APOBEC3B: variants seen among roughly 807,000 people sequenced by gnomAD.
APOBEC3B encodes the protein apolipoprotein B mRNA editing enzyme catalytic subunit 3B.
In APOBEC3B, 29 loss-of-function variants were observed where a neutral mutation model predicts 53.4. That is an observed-to-expected ratio of 0.54 (90% CI 0.40 to 0.74). The LOEUF is 0.74. Ranked by LOEUF, APOBEC3B falls within the 30% of genes least tolerant of loss-of-function variation. The pLI, the probability that APOBEC3B is intolerant of heterozygous loss-of-function variation, is 0.00. For missense variants in APOBEC3B, 347 were observed against 496.2 expected, an observed-to-expected ratio of 0.70 and a Z score of 2.86; for synonymous variants, 132 against 184.8, an observed-to-expected ratio of 0.71 and a Z score of 2.32.
chr22:38,986,334 A>C lies in APOBEC3B; in HGVS notation c.491A>C (p.Glu164Ala). 6.3e-7 allele frequency: 1 copy of C among 1,593,800 alleles called. No homozygotes were observed. Among genetic ancestry groups the C allele is most frequent in the Non-Finnish European group, 8.5e-7 (1 of 1,172,602 alleles). ...AYCWENFVYNEGQQFMPWYKF... is the reference protein window; with the variant it reads ...AYCWENFVYNAGQQFMPWYKF... Reference sequence around the variant, plus strand: ...TGCTGGGAAAACTTTGTGTACAATGAAGGTCAGCAATTCATGCCTTGGTAC... The same window carrying C: ...TGCTGGGAAAACTTTGTGTACAATGCAGGTCAGCAATTCATGCCTTGGTAC... The change falls in exon 4 of 8, where the codon GAA (glutamate) becomes GCA (alanine). Residue 164 changes from glutamate to alanine, a missense_variant. This residue lies in a region of APOBEC3B where 156 missense variants were observed against 166.7 expected (regional missense o/e 0.94). Transcript: ENST00000333467.
rs545883741 is a variant in APOBEC3B at position 38,986,798 on chromosome 22, C to A, written c.569+386C>A. Among the ~76,000 whole-genome samples the A allele has an allele frequency of 4.0e-3, 593 of 148,940 alleles. 49 individuals carry two copies. Among genetic ancestry groups the A allele is most frequent in the Non-Finnish European group, 7.0e-3 (469 of 67,308 alleles). The stretch of plus-strand genomic sequence containing the variant: ...GAGCTCAGTGTGGGGGCACCCATGG[C>A]ATCCTGGGGGGACATCTGAGGGCCA... On this transcript the variant is annotated intron_variant, in intron 4 of 7. Coordinates refer to ENST00000333467, the MANE Select transcript of APOBEC3B (RefSeq NM_004900.5).
At chr22:38,982,990 C>T (rs1395479241) in intron 1 of APOBEC3B, among the ~76,000 whole-genome samples, 1 of 148,474 alleles carries the variant, frequency 6.7e-6, no homozygotes, top group Non-Finnish European at 1.5e-5. Context: ...TGTCCCCAGA[C>T]AGGTTCCACT....
intron 4 of APOBEC3B, among the ~76,000 whole-genome samples, chr22:38,986,830 C>T (rs1923760664): frequency 6.7e-6 from 1 of 148,778 alleles, no homozygotes; most frequent in African/African-American, 2.4e-5. Context: ...GCCACCCCCA[C>T]CCGCTATTCC....
chr22:38,984,380 A>G (rs2062071976), intron 2 of APOBEC3B, 149 bp downstream of exon 2: 1 of 1,061,530 alleles, frequency 9.4e-7, no homozygotes, highest in African/African-American at 1.6e-5. Flanking sequence ...ACAAAGACAG[A>G]CTGAGGTATT....
intron 2 of APOBEC3B, 31 bp downstream of exon 2, chr22:38,984,262 C>G (rs1182384704): frequency 6.3e-7 from 1 of 1,582,966 alleles, no homozygotes. Flanking sequence ...GAATCACAGG[C>G]AGTGTTGCAG....
chr22:38,992,266 G>T (rs1462182706), intron 7 of APOBEC3B, 117 bp downstream of exon 7: 5 of 1,539,602 alleles, frequency 3.2e-6, no homozygotes, highest in Non-Finnish European at 3.5e-6. Flanking sequence ...TCCCCACAGG[G>T]CGCCCAGCTC....
At chr22:38,984,345 C>G (rs1312500534) in intron 2 of APOBEC3B, 114 bp downstream of exon 2, 3 of 1,300,978 alleles carry the variant, frequency 2.3e-6, no homozygotes, top group African/African-American at 1.5e-5. Context: ...TCAGCAGACT[C>G]ACATCCAAAA....
rs770074224 is a variant in APOBEC3B at position 38,992,415 on chromosome 22, C to T, written c.1135-16C>T. On this transcript the variant is annotated splice_polypyrimidine_tract_variant and intron_variant, in intron 7 of 7. Coordinates refer to ENST00000333467, the MANE Select transcript of APOBEC3B (RefSeq NM_004900.5). ...TCTCTCACCTCCTGCTCCATTCAAC[C>T]CCCCTGCTCTTCCAGAATCAGGGAA... 1.9e-6 allele frequency: 3 copies of T among 1,602,186 alleles called. No individual in the cohort carries two copies. The highest frequency in any genetic ancestry group is 1.1e-5 in the South Asian group (1 of 90,326).
At position 38,988,728 on chromosome 22, in the gene APOBEC3B, T is replaced by G. The variant is rs148579142; in HGVS notation, c.570-729T>G. Among the ~76,000 whole-genome samples the G allele has an allele frequency of 8.6e-4, 114 of 131,982 alleles. 7 individuals are homozygous for G. Among genetic ancestry groups the G allele is most frequent in the Middle Eastern group, 7.2e-3 (2 of 278 alleles). 86.6% of individuals were successfully genotyped at this position (131,982 alleles called of 152,430 possible). On this transcript the variant is annotated intron_variant, in intron 4 of 7. Coordinates refer to ENST00000333467, the MANE Select transcript of APOBEC3B (RefSeq NM_004900.5). Reference sequence around the variant, plus strand: ...TTCTTTCTTTCTTTCTTTCTTTCTTTCTTTCTTTCTTTCTTTCTTCCTTTC... The same window carrying G: ...TTCTTTCTTTCTTTCTTTCTTTCTTGCTTTCTTTCTTTCTTTCTTCCTTTC...
intron 4 of APOBEC3B, among the ~76,000 whole-genome samples, chr22:38,988,683 C>CTCTCTTTCTTTCTTTCTCTCTTTCTT (rs1555894372): frequency 4.2e-5 from 2 of 47,528 alleles, no homozygotes; most frequent in Admixed American, 5.3e-4. Flanking sequence ...TTCTCTCTTT[C>CTCTCTTTCTTTCTTTCTCTCTTTCTT]TCTTTCTTTC....
intron 1 of APOBEC3B, among the ~76,000 whole-genome samples, chr22:38,983,315 CA>C (rs34442626): frequency 9.8e-4 from 127 of 129,386 alleles, no homozygotes; most frequent in Middle Eastern, 3.9e-3. Context: ...GAGACTTCAT[CA>C]AAAAAAAAAA....
chr22:38,984,098 G>C lies in APOBEC3B; in HGVS notation c.41G>C (p.Arg14Pro). 1.3e-6 allele frequency: 2 copies of C among 1,584,590 alleles called. 1 individual carries two copies. The highest frequency in any genetic ancestry group is 1.7e-6 in the Non-Finnish European group (2 of 1,169,590). The change falls in exon 2 of 8, where the codon CGA becomes CCA. Residue 14 changes from arginine to proline, a missense_variant. Arg to Pro is a moderately radical substitution (Grantham distance 103). Transcript: ENST00000333467. ...QIRNPMERMY[R>P]DTFYDNFENE... Reference sequence around the variant, plus strand: ...AGAAATCCGATGGAGCGGATGTATCGAGACACATTCTACGACAACTTTGAA... The same window carrying C: ...AGAAATCCGATGGAGCGGATGTATCCAGACACATTCTACGACAACTTTGAA...
In APOBEC3B at chr22:38,982,520, G is replaced by T; in HGVS notation, c.17+50G>T. The T allele has an allele frequency of 1.3e-6, 2 of 1,588,240 alleles. 1 individual carries two copies. The highest frequency in any genetic ancestry group is 2.3e-5 in the South Asian group (2 of 88,510). On this transcript the variant is annotated intron_variant, in intron 1 of 7. Transcript: ENST00000333467. ...GGGCCCCTCCTGCCCCTTCCTGCCT[G>T]GTGGTCCTGCTGGGCCTCAACCCTG...
At position 38,982,488 on chromosome 22, in the gene APOBEC3B, G is replaced by A; in HGVS notation, c.17+18G>A. Reference sequence around the variant, plus strand: ...CAGATCAGGTACCGCTGCCCACTCTGCCTGCTGGGCCCCTCCTGCCCCTTC... The same window carrying A: ...CAGATCAGGTACCGCTGCCCACTCTACCTGCTGGGCCCCTCCTGCCCCTTC... On this transcript the variant is annotated intron_variant, in intron 1 of 7. Coordinates refer to ENST00000333467, the MANE Select transcript of APOBEC3B (RefSeq NM_004900.5). The A allele has an allele frequency of 1.9e-6, 3 of 1,593,260 alleles. No homozygotes were observed. The highest frequency in any genetic ancestry group is 2.6e-6 in the Non-Finnish European group (3 of 1,172,456).
In APOBEC3B at chr22:38,985,862, C is replaced by T. The variant is rs1025766300; in HGVS notation, c.225C>T (p.Phe75=). ...YHAEMCFLSW[F]CGNQLPAYKC... is the part of the protein sequence containing the mutation. The stretch of plus-strand genomic sequence containing the variant: ...CAGAAATGTGCTTCCTCTCTTGGTT[C>T]TGTGGCAACCAGCTGCCTGCTTACA... Residue 75 remains phenylalanine, a synonymous_variant, in exon 3 of 8, where the codon TTC becomes TTT. Transcript: ENST00000333467. 1 of 1,594,590 alleles carries T rather than the reference C, an allele frequency of 6.3e-7. No homozygotes were observed. Among genetic ancestry groups the T allele is most frequent in the Non-Finnish European group, 8.5e-7 (1 of 1,172,684 alleles).
Position 38,986,133 on chromosome 22 carries a change from A to G in APOBEC3B, c.454+42A>G, listed in dbSNP as rs1466617142. On this transcript the variant is annotated intron_variant, in intron 3 of 7. Transcript: ENST00000333467. ...TCAGGGGAGCGTGAGCGGGAGGAAC[A>G]GCATGAAAGATGGATGGATCTGCAA... 13 of 1,580,734 alleles carry G rather than the reference A, an allele frequency of 8.2e-6. 1 individual carries two copies. The highest frequency in any genetic ancestry group is 2.3e-5 in the South Asian group (2 of 86,478).
chr22:38,990,288 G>A (rs1163263180), intron 5 of APOBEC3B, among the ~76,000 whole-genome samples: 3 of 147,812 alleles, frequency 2.0e-5, no homozygotes, highest in African/African-American at 7.4e-5. Context: ...CACACTGCTT[G>A]GAACATCCTT....
In APOBEC3B at chr22:38,988,683, C is replaced by CTCTCTTTCTCACTT. The variant is rs1555894372; in HGVS notation, c.570-771_570-770insCTTTCTCACTTTCT. ...TTGCTTCCTCTCTCTTTCTCTCTTT[C>CTCTCTTTCTCACTT]TCTTTCTTTCTTTCTTTCTTTCTTT... On this transcript the variant is annotated intron_variant, in intron 4 of 7. Coordinates refer to ENST00000333467, the MANE Select transcript of APOBEC3B (RefSeq NM_004900.5). 8.4e-5 allele frequency among the ~76,000 whole-genome samples: 4 copies of CTCTCTTTCTCACTT among 47,512 alleles called. 1 individual carries two copies. The highest frequency in any genetic ancestry group is 2.6e-4 in the Admixed American group (1 of 3,794). The allele number at this position is 47,512 out of a possible 152,430, so 31.2% of individuals were successfully genotyped here. A position where few individuals can be genotyped will look rare whatever the true frequency, so the allele number is the denominator to read the frequency against.
At chr22:38,986,909 C>T (rs766525935) in intron 4 of APOBEC3B, among the ~76,000 whole-genome samples, 3 of 144,262 alleles carry the variant, frequency 2.1e-5, no homozygotes, top group African/African-American at 5.1e-5. Flanking sequence ...GACTCTCCCT[C>T]ACTACCACAT....
Sources: allele counts gnomAD v4.1 joint callset (sites outside exome capture counted in the v4.1 genomes callset), GRCh38; gene constraint gnomAD v4.1.1; regional missense constraint gnomAD v4.1.1; transcripts MANE v1.5; gene names NCBI Gene and HGNC (gene_info 2026-07-23, HGNC 2026-07-21).